CACNA2D1: variants seen among roughly 807,000 people sequenced by gnomAD.
CACNA2D1 encodes the protein voltage-dependent calcium channel subunit alpha-2/delta-1.
Under a neutral mutation model 171.5 loss-of-function variants are expected in CACNA2D1, and 53 were observed. The observed-to-expected ratio is 0.31, with a 90% CI of 0.25 to 0.39. The LOEUF (loss-of-function observed/expected upper bound fraction) is 0.39. CACNA2D1 is among the 10% of genes least tolerant of loss of function. The pLI, the probability that CACNA2D1 is intolerant of heterozygous loss-of-function variation, is 1.00. For missense variants in CACNA2D1, 903 were observed against 1,299.8 expected (o/e 0.69, Z 4.69); for synonymous variants, 442 against 443.1 (o/e 1.00, Z 0.03).
intron 6 of CACNA2D1, among the ~76,000 whole-genome samples, chr7:82,104,174 G>A (rs752844810): frequency 1.3e-4 from 20 of 151,896 alleles, no homozygotes; most frequent in Non-Finnish European, 2.5e-4. Context: ...AATTCATCAC[G>A]TTTTCCGTTA....
intron 27 of CACNA2D1, among the ~76,000 whole-genome samples, 178 bp downstream of exon 27, chr7:81,970,497 A>G (rs1375396191): frequency 6.6e-6 from 1 of 151,564 alleles, no homozygotes; most frequent in East Asian, 1.9e-4. Context: ...GAATTTTATA[A>G]TGTCATTTTT....
intron 1 of CACNA2D1, among the ~76,000 whole-genome samples, chr7:82,401,550 C>T (rs1427429594): frequency 7.6e-6 from 1 of 130,886 alleles, no homozygotes; most frequent in East Asian, 2.4e-4. Context: ...ACTCTGGAGA[C>T]TGTTGTGGGG....
At chr7:81,968,729 T>C (rs1465877397) in intron 29 of CACNA2D1, among the ~76,000 whole-genome samples, 158 bp downstream of exon 29, 2 of 151,306 alleles carry the variant, frequency 1.3e-5, no homozygotes, top group East Asian at 3.9e-4. Flanking sequence ...ACTTCAGAGG[T>C]AACTAGTCAT....
chr7:82,217,314 C>T (rs1025086794), intron 3 of CACNA2D1, among the ~76,000 whole-genome samples: 4 of 144,830 alleles, frequency 2.8e-5, no homozygotes, highest in African/African-American at 1.0e-4. Context: ...TGTTTTACTT[C>T]GTGTTACATT....
chr7:82,406,808 T>C (rs760751616), intron 1 of CACNA2D1, among the ~76,000 whole-genome samples: 2 of 151,952 alleles, frequency 1.3e-5, no homozygotes, highest in Non-Finnish European at 2.9e-5. Context: ...TGGGGACAAG[T>C]CTTTATCTGT....
intron 28 of CACNA2D1, 36 bp from the exon 29 acceptor site, chr7:81,969,009 G>A (rs777822095): frequency 9.1e-7 from 1 of 1,099,568 alleles, no homozygotes; most frequent in Non-Finnish European, 1.4e-6. Flanking sequence ...CACCTATCAA[G>A]ATATATTGAA....
intron 26 of CACNA2D1, among the ~76,000 whole-genome samples, chr7:81,971,297 G>A (rs1172496827): frequency 6.6e-6 from 1 of 151,554 alleles, no homozygotes; most frequent in Non-Finnish European, 1.5e-5. Flanking sequence ...AGAAAAATCA[G>A]TTGCTGTGAT....
chr7:82,237,714 GT>G (rs1452456672), intron 3 of CACNA2D1, among the ~76,000 whole-genome samples: 1 of 151,900 alleles, frequency 6.6e-6, no homozygotes, highest in Non-Finnish European at 1.5e-5. Flanking sequence ...TAACCTATAA[GT>G]AACTTACAAA....
At chr7:82,389,475 A>G (rs1386720712) in intron 1 of CACNA2D1, among the ~76,000 whole-genome samples, 1 of 152,110 alleles carries the variant, frequency 6.6e-6, no homozygotes, top group Non-Finnish European at 1.5e-5. Context: ...CTTCACTTCC[A>G]TTCTTAAATA....
chr7:82,395,254 A>C (rs73704246), intron 1 of CACNA2D1, among the ~76,000 whole-genome samples: 7,049 of 152,202 alleles, frequency 0.046, 546 homozygotes, highest in African/African-American at 0.16. Flanking sequence ...ATGATGGAGT[A>C]AACTGAGCTA....
intron 9 of CACNA2D1, among the ~76,000 whole-genome samples, chr7:82,063,443 A>G (rs1562987876): frequency 6.6e-6 from 1 of 152,164 alleles, no homozygotes; most frequent in Non-Finnish European, 1.5e-5. Context: ...TTGGACAACT[A>G]AATTAAATTG....
chr7:82,212,195 T>C (rs1340885041), intron 3 of CACNA2D1, among the ~76,000 whole-genome samples: 2 of 152,186 alleles, frequency 1.3e-5, no homozygotes, highest in African/African-American at 4.8e-5. Flanking sequence ...ATCCAAATGA[T>C]GGATATAAGA....
chr7:82,258,817 C>CTTTTTTTTTTTTTTTTTTT lies in CACNA2D1; in HGVS notation c.294+76299_294+76317dup, dbSNP rs201927487. Among the ~76,000 whole-genome samples, 45 of 72,616 alleles carry CTTTTTTTTTTTTTTTTTTT rather than the reference C, an allele frequency of 6.2e-4. 3 individuals carry two copies. The highest frequency in any genetic ancestry group is 1.2e-3 in the South Asian group (2 of 1,632). 47.6% of individuals were successfully genotyped at this position (72,616 alleles called of 152,430 possible). ...ATTTCTTTCTTTCTTTCTTACTTTT[C>CTTTTTTTTTTTTTTTTTTT]TTTTTTTTTTTTTTTTTTTTTTGAG... On this transcript the variant is annotated intron_variant, in intron 3 of 38. Transcript: ENST00000356860.
chr7:82,161,387 G>C (rs746281281), intron 4 of CACNA2D1, among the ~76,000 whole-genome samples: 18 of 152,006 alleles, frequency 1.2e-4, no homozygotes, highest in Non-Finnish European at 1.6e-4. Context: ...GGATACCAAA[G>C]AATAGTGGAG....
At chr7:82,064,260 T>C (rs1807328809) in intron 9 of CACNA2D1, 44 bp downstream of exon 9, 1 of 1,304,862 alleles carries the variant, frequency 7.7e-7, no homozygotes, top group African/African-American at 1.5e-5. Context: ...CTACAAATCC[T>C]CCCATATTCT....
intron 3 of CACNA2D1, among the ~76,000 whole-genome samples, chr7:82,217,634 T>TCA (rs71522607): frequency 0.057 from 7,923 of 140,164 alleles, 365 homozygotes; most frequent in African/African-American, 0.11. Flanking sequence ...TGGCACAGTT[T>TCA]CACACACACA....
chr7:82,426,055 T>C (rs1010694771), intron 1 of CACNA2D1, among the ~76,000 whole-genome samples: 2 of 151,296 alleles, frequency 1.3e-5, no homozygotes, highest in East Asian at 4.0e-4. Flanking sequence ...CACTCAAACC[T>C]GGGAGGCGGA....
intron 15 of CACNA2D1, among the ~76,000 whole-genome samples, chr7:82,008,515 G>T (rs1799380856): frequency 2.0e-5 from 3 of 152,052 alleles, no homozygotes; most frequent in Admixed American, 6.6e-5. Context: ...AAAATAAACT[G>T]ATTTTCAAGT....
chr7:82,138,451 T>G (rs1041329805), intron 4 of CACNA2D1, among the ~76,000 whole-genome samples: 216 of 16,926 alleles, frequency 0.013, 1 homozygote, highest in East Asian at 0.091. Context: ...TTTTTTTTGT[T>G]TTTTTTTTTT....
Sources: allele counts gnomAD v4.1 joint callset (sites outside exome capture counted in the v4.1 genomes callset), GRCh38; gene constraint gnomAD v4.1.1; transcripts MANE v1.5; gene names NCBI Gene and HGNC (gene_info 2026-07-23, HGNC 2026-07-21).